ARFIP1: variants seen among roughly 807,000 people sequenced by gnomAD.
ARFIP1 encodes the protein arfaptin-1.
Under a neutral mutation model 42.5 loss-of-function variants are expected in ARFIP1, and 24 were observed. That is an observed-to-expected ratio of 0.57 (90% CI 0.41 to 0.80). The LOEUF is 0.80. ARFIP1 is among the 30% of genes least tolerant of loss of function. The pLI is 0.00. For synonymous variants in ARFIP1, 141 were observed against 153.7 expected (o/e 0.92, Z 0.61); for missense variants, 354 against 434.0 (o/e 0.82, Z 1.64).
intron 8 of ARFIP1, among the ~76,000 whole-genome samples, chr4:152,889,457 G>GT (rs1208710833): frequency 7.8e-6 from 1 of 127,458 alleles, no homozygotes; most frequent in East Asian, 2.3e-4. Context: ...CAGCCTTCTG[G>GT]TATTCATTAG....
At chr4:152,848,573 A>G (rs562046918) in intron 2 of ARFIP1, among the ~76,000 whole-genome samples, 3 of 152,168 alleles carry the variant, frequency 2.0e-5, no homozygotes, top group Admixed American at 6.5e-5. Flanking sequence ...ATCATACACT[A>G]CGATCTGCAG....
intron 1 of ARFIP1, among the ~76,000 whole-genome samples, chr4:152,787,294 C>T (rs533646673): frequency 6.6e-6 from 1 of 152,288 alleles, no homozygotes; most frequent in African/African-American, 2.4e-5. Flanking sequence ...AATCCAAAAA[C>T]TTGAAATCCA....
At chr4:152,883,992 C>G (rs1736067887) in intron 7 of ARFIP1, among the ~76,000 whole-genome samples, 1 of 151,894 alleles carries the variant, frequency 6.6e-6, no homozygotes, top group Non-Finnish European at 1.5e-5. Context: ...CCAAACTCAT[C>G]TAGTATTTTT....
At chr4:152,847,443 A>G (rs946762719) in intron 2 of ARFIP1, among the ~76,000 whole-genome samples, 1 of 151,934 alleles carries the variant, frequency 6.6e-6, no homozygotes, top group Non-Finnish European at 1.5e-5. Context: ...TCTTCTTTTT[A>G]TTAAGATGGG....
chr4:152,798,253 A>G (rs1412004839), intron 1 of ARFIP1, among the ~76,000 whole-genome samples: 2 of 152,190 alleles, frequency 1.3e-5, no homozygotes, highest in Non-Finnish European at 2.9e-5. Context: ...ACAGAGCGAG[A>G]CACCGTCTCA....
intron 1 of ARFIP1, among the ~76,000 whole-genome samples, chr4:152,787,236 A>G (rs1012274262): frequency 5.3e-5 from 8 of 152,220 alleles, no homozygotes; most frequent in Non-Finnish European, 1.0e-4. Context: ...TTGAATATGA[A>G]TTTTTATAAA....
intron 2 of ARFIP1, among the ~76,000 whole-genome samples, chr4:152,842,992 T>C (rs904848410): frequency 6.6e-6 from 1 of 152,152 alleles, no homozygotes; most frequent in African/African-American, 2.4e-5. Flanking sequence ...TTGAAGAGCC[T>C]TGTTTTGTCA....
At chr4:152,892,906 AT>A (rs1736985922) in intron 8 of ARFIP1, among the ~76,000 whole-genome samples, 1 of 152,194 alleles carries the variant, frequency 6.6e-6, no homozygotes, top group South Asian at 2.1e-4. Flanking sequence ...TTGTCTTCTG[AT>A]ATTTCTCCTT....
intron 1 of ARFIP1, among the ~76,000 whole-genome samples, chr4:152,811,522 T>C (rs1729464287): frequency 6.6e-6 from 1 of 152,192 alleles, no homozygotes; most frequent in Non-Finnish European, 1.5e-5. Context: ...CAGCAAATGT[T>C]CATAGATATC....
intron 8 of ARFIP1, among the ~76,000 whole-genome samples, chr4:152,904,999 T>A (rs1275661927): frequency 6.6e-6 from 1 of 152,164 alleles, no homozygotes; most frequent in Non-Finnish European, 1.5e-5. Flanking sequence ...TTGAACTAAT[T>A]TACATTCCCA....
At chr4:152,889,833 A>G (rs943001758) in intron 8 of ARFIP1, among the ~76,000 whole-genome samples, 1 of 113,798 alleles carries the variant, frequency 8.8e-6, no homozygotes, top group African/African-American at 3.6e-5. Flanking sequence ...TATATACTAT[A>G]TACTATATAT....
At chr4:152,795,003 A>G (rs1227407089) in intron 1 of ARFIP1, among the ~76,000 whole-genome samples, 1 of 152,178 alleles carries the variant, frequency 6.6e-6, no homozygotes, top group African/African-American at 2.4e-5. Context: ...TCTGAGAGTC[A>G]GAATTATTAC....
intron 8 of ARFIP1, among the ~76,000 whole-genome samples, chr4:152,902,647 T>C (rs964671761): frequency 1.3e-5 from 2 of 152,236 alleles, no homozygotes; most frequent in African/African-American, 4.8e-5. Flanking sequence ...TACCTGCTCT[T>C]TCTTTCATTC....
intron 7 of ARFIP1, among the ~76,000 whole-genome samples, chr4:152,883,573 C>T (rs927550976): frequency 6.6e-6 from 1 of 151,718 alleles, no homozygotes; most frequent in Non-Finnish European, 1.5e-5. Flanking sequence ...GTTCATAATG[C>T]AGTGTTTTTA....
chr4:152,874,765 A>G (rs910231194), intron 5 of ARFIP1, among the ~76,000 whole-genome samples: 2 of 152,148 alleles, frequency 1.3e-5, no homozygotes, highest in Non-Finnish European at 1.5e-5. Context: ...CCTGGACCCA[A>G]GTGATCCTCT....
At chr4:152,887,254 A>G (rs759649199) in intron 7 of ARFIP1, among the ~76,000 whole-genome samples, 15 of 151,988 alleles carry the variant, frequency 9.9e-5, no homozygotes, top group Non-Finnish European at 1.9e-4. Context: ...TCTTGGAGTG[A>G]TGACAGTGGT....
At chr4:152,832,428 G>A (rs957278851) in intron 2 of ARFIP1, among the ~76,000 whole-genome samples, 1 of 152,084 alleles carries the variant, frequency 6.6e-6, no homozygotes, top group Non-Finnish European at 1.5e-5. Flanking sequence ...TACTGGGTGT[G>A]TGTCTTTTTT....
chr4:152,870,691 C>A, intron 3 of ARFIP1, 62 bp from the exon 4 acceptor site: 3 of 1,140,630 alleles, frequency 2.6e-6, no homozygotes, highest in Non-Finnish European at 3.9e-6. Flanking sequence ...ACCCTATATT[C>A]AAAATGTACA....
chr4:152,876,870 G>A (rs1000830084), intron 5 of ARFIP1, among the ~76,000 whole-genome samples: 2 of 152,232 alleles, frequency 1.3e-5, no homozygotes, highest in Non-Finnish European at 1.5e-5. Context: ...TGGCTTCAGA[G>A]GGTGGAAGCC....
Sources: gnomAD v4.1 joint callset for allele counts (sites outside exome capture counted in the v4.1 genomes callset) on GRCh38, gnomAD v4.1.1 for gene constraint, MANE v1.5 for transcripts, NCBI Gene and HGNC (gene_info 2026-07-23, HGNC 2026-07-21) for gene names.